The following FRMD7 variants were observed in gnomAD, a reference collection of about 807,000 sequenced individuals.
The protein encoded by FRMD7 is FERM domain-containing protein 7.
In FRMD7, 14 loss-of-function variants were observed where a neutral mutation model predicts 44.1. That is an observed-to-expected ratio of 0.32 (90% CI 0.21 to 0.50). The LOEUF is 0.50. Ranked by LOEUF, FRMD7 falls within the 20% of genes least tolerant of loss-of-function variation. The pLI is 0.99. For missense variants in FRMD7, 501 were observed against 522.3 expected (o/e 0.96, Z 0.40); for synonymous variants, 212 against 187.4 (o/e 1.13, Z -1.07).
At chrX:132,097,454 C>T (rs934509160) in intron 3 of FRMD7, 110 bp from the exon 4 acceptor site, 7 of 555,565 alleles carry the variant, frequency 1.3e-5, no homozygotes, top group Middle Eastern at 4.8e-4. Context: ...TCTCCTCTTC[C>T]GTCCCCTCCC....
rs759460459 is a variant in FRMD7 at position 132,094,699 on chromosome X, C to T, written c.285-560G>A. Among the ~76,000 whole-genome samples, 5 of 112,043 alleles carry T rather than the reference C, an allele frequency of 4.5e-5. No homozygotes were observed. The South Asian group carries it at 1.9e-3, about 42-fold the overall frequency. ...TCTGCCCCTGAATTCAGGCTGCCTC[C>T]TATCCAAAAGACTGTGTTTTAGAAA... On this transcript the variant is annotated intron_variant, in intron 4 of 11. Coordinates refer to ENST00000298542, the MANE Select transcript of FRMD7 (RefSeq NM_194277.3).
intron 2 of FRMD7, among the ~76,000 whole-genome samples, chrX:132,100,398 T>C (rs887567932): frequency 1.2e-4 from 14 of 112,394 alleles, no homozygotes; most frequent in African/African-American, 3.9e-4. Flanking sequence ...TCCCAAAGTG[T>C]TGGGATTACA....
chrX:132,110,617 A>C (rs1001542984), intron 1 of FRMD7, among the ~76,000 whole-genome samples: 3 of 111,582 alleles, frequency 2.7e-5, no homozygotes, highest in African/African-American at 6.5e-5. Context: ...CCCACAGACC[A>C]CATGCACAAC....
Position 132,078,449 on chromosome X carries a change from A to T in FRMD7, c.1568T>A (p.Val523Glu), listed in dbSNP as rs1359419195. ...AGCTGGCTTCATTGCAGTGGGCTCT[A>T]CATAGCTATGTGGACTTGTCCTTTC... ...AEERTSPHSY[V>E]EPTAMKPAER... The change falls in exon 12 of 12, where the codon GTA becomes GAA. Residue 523 changes from valine (V) to glutamate (E), a missense_variant. Physicochemically the swap from Val to Glu is moderately radical, Grantham distance 121. This residue lies in a region of FRMD7 where 453 missense variants were observed against 452.7 expected (regional missense o/e 1.00). Coordinates refer to ENST00000298542, the MANE Select transcript of FRMD7 (RefSeq NM_194277.3). 6 of 1,209,308 alleles carry T rather than the reference A, an allele frequency of 5.0e-6. No individual in the cohort carries two copies. The highest frequency in any genetic ancestry group is 3.4e-6 in the Non-Finnish European group (3 of 894,921).
At chrX:132,120,422 T>G (rs749267759) in intron 1 of FRMD7, among the ~76,000 whole-genome samples, 5 of 112,703 alleles carry the variant, frequency 4.4e-5, no homozygotes, top group Non-Finnish European at 9.4e-5. Context: ...CGATGAAAGG[T>G]GAAGAGGCGG....
intron 1 of FRMD7, among the ~76,000 whole-genome samples, chrX:132,115,539 G>A (rs1001072936): frequency 8.9e-6 from 1 of 112,073 alleles, no homozygotes; most frequent in Non-Finnish European, 1.9e-5. Context: ...GGGAGTAGTG[G>A]TAGGATTTGT....
chrX:132,126,182 T>C (rs1385996267), intron 1 of FRMD7, among the ~76,000 whole-genome samples: 1 of 111,509 alleles, frequency 9.0e-6, no homozygotes, highest in African/African-American at 3.3e-5. Flanking sequence ...CTTAAGCTTC[T>C]AACTCCTCTG....
intron 1 of FRMD7, among the ~76,000 whole-genome samples, chrX:132,106,859 T>C (rs770934328): frequency 8.3e-4 from 92 of 111,507 alleles, no homozygotes; most frequent in Non-Finnish European, 1.5e-3. Context: ...CAACAGACAC[T>C]GAGGTCTACT....
chrX:132,084,395 C>T (rs1927917024), intron 8 of FRMD7, 95 bp downstream of exon 8: 8 of 575,754 alleles, frequency 1.4e-5, no homozygotes, highest in Non-Finnish European at 2.5e-5. Flanking sequence ...CAGGGCCAGC[C>T]GGCTTTTACA....
intron 1 of FRMD7, among the ~76,000 whole-genome samples, chrX:132,124,052 CTG>C (rs1468848184): frequency 9.0e-6 from 1 of 111,690 alleles, no homozygotes; most frequent in African/African-American, 3.3e-5. Context: ...ATCACTACTA[CTG>C]TGTGTGAGAG....
intron 1 of FRMD7, among the ~76,000 whole-genome samples, chrX:132,114,892 G>T (rs1453164319): frequency 8.9e-6 from 1 of 112,296 alleles, no homozygotes; most frequent in Non-Finnish European, 1.9e-5. Context: ...ATCTATCCAA[G>T]TTCCTAACCC....
intron 1 of FRMD7, among the ~76,000 whole-genome samples, chrX:132,104,575 C>A (rs1569346173): frequency 9.0e-6 from 1 of 111,273 alleles, no homozygotes; most frequent in Non-Finnish European, 1.9e-5. Context: ...TGCCTGTAGT[C>A]CCAGCTACTC....
chrX:132,081,686 T>A (rs1300362888), intron 9 of FRMD7, among the ~76,000 whole-genome samples: 3 of 112,879 alleles, frequency 2.7e-5, no homozygotes, highest in Non-Finnish European at 5.6e-5. Flanking sequence ...AAGCTTTTAA[T>A]CAGAATTTTG....
intron 1 of FRMD7, among the ~76,000 whole-genome samples, chrX:132,112,315 G>C (rs1401351019): frequency 9.0e-6 from 1 of 111,611 alleles, no homozygotes; most frequent in African/African-American, 3.3e-5. Flanking sequence ...CTAAAATGGA[G>C]TTCTCTGCAG....
At position 132,086,854 on chromosome X, in the gene FRMD7, C is replaced by T. The variant is rs147973474; in HGVS notation, c.383-820G>A. Among the ~76,000 whole-genome samples, 280 of 111,965 alleles carry T rather than the reference C, an allele frequency of 2.5e-3. 3 individuals carry two copies. The highest frequency in any genetic ancestry group is 0.023 in the Admixed American group (241 of 10,556). ...CAAGAAAGAGGAATATAAATGCCAA[C>T]GACATTGCAAGCCAATTCATCACTC... On this transcript the variant is annotated intron_variant, in intron 5 of 11. Transcript: ENST00000298542.
chrX:132,102,276 C>A (rs1928520971), intron 1 of FRMD7, among the ~76,000 whole-genome samples: 1 of 111,967 alleles, frequency 8.9e-6, no homozygotes, highest in Admixed American at 9.4e-5. Flanking sequence ...ACTCAAGATT[C>A]ATTTGGGTTA....
rs2124252743 is a variant in FRMD7 at position 132,100,677 on chromosome X, T to C, written c.97A>G (p.Ser33Gly). Residue 33 changes from serine to glycine, a missense_variant, in exon 2 of 12, where the codon AGC (serine) becomes GGC (glycine). Physicochemically the swap from Ser to Gly is moderately conservative, Grantham distance 56. This residue lies in a region of FRMD7 where 24 missense variants were observed against 21.6 expected (regional missense o/e 1.11). Coordinates refer to ENST00000298542, the MANE Select transcript of FRMD7 (RefSeq NM_194277.3). The stretch of plus-strand genomic sequence containing the variant: ...TCCTTTTCAGCAAGATTTAGATGGC[T>C]GCAACTCAGGTTAAACAATGCCTTC... ...SGKALFNLSC[S>G]HLNLAEKEYF... The C allele has an allele frequency of 1.7e-6, 2 of 1,208,552 alleles. No homozygotes were observed. The highest frequency in any genetic ancestry group is 3.5e-5 in the South Asian group (2 of 56,964).
At chrX:132,115,890 G>T (rs1206123142) in intron 1 of FRMD7, among the ~76,000 whole-genome samples, 1 of 110,460 alleles carries the variant, frequency 9.1e-6, no homozygotes, top group Non-Finnish European at 1.9e-5. Context: ...CCTAGGAATA[G>T]AGATGACCTC....
intron 1 of FRMD7, among the ~76,000 whole-genome samples, chrX:132,109,799 C>T (rs887730731): frequency 2.7e-5 from 3 of 111,414 alleles, no homozygotes; most frequent in Non-Finnish European, 3.8e-5. Flanking sequence ...AGTTAGCCAG[C>T]GGAAAGAAGA....
Sources: gnomAD v4.1 joint callset for allele counts (sites outside exome capture counted in the v4.1 genomes callset) on GRCh38, gnomAD v4.1.1 for gene constraint, gnomAD v4.1.1 regional missense constraint, MANE v1.5 for transcripts, NCBI Gene and HGNC (gene_info 2026-07-23, HGNC 2026-07-21) for gene names.